USP15: variants seen among roughly 807,000 people sequenced by gnomAD.
USP15 encodes the protein ubiquitin carboxyl-terminal hydrolase 15.
USP15 carries 18 observed loss-of-function variants against 127.1 expected under a neutral mutation model. The ratio of observed to expected loss-of-function variants is 0.14; its 90% confidence interval spans 0.10 to 0.21. The LOEUF is 0.21. Among genes scored for constraint, USP15 ranks in the 10% least tolerant of loss-of-function variants. The probability of loss-of-function intolerance (pLI) is 1.00; values close to 1 mark genes in which losing one functional copy is unlikely to be tolerated. For synonymous variants in USP15, 364 were observed against 393.7 expected (o/e 0.92, Z 0.89); for missense variants, 805 against 1,159.9 (o/e 0.69, Z 4.44).
At chr12:62,292,078 G>A (rs1209051804) in intron 1 of USP15, among the ~76,000 whole-genome samples, 1 of 151,810 alleles carries the variant, frequency 6.6e-6, no homozygotes, top group African/African-American at 2.4e-5. Flanking sequence ...GACAAGGGTG[G>A]CAGGGGAGAG....
At chr12:62,395,742 A>G (rs972806345) in intron 19 of USP15, among the ~76,000 whole-genome samples, 1 of 151,786 alleles carries the variant, frequency 6.6e-6, no homozygotes, top group African/African-American at 2.4e-5. Context: ...AAATGAGAAC[A>G]TGGGATGTTT....
At chr12:62,335,469 C>T (rs750671234) in intron 6 of USP15, 8 of 1,302,330 alleles carry the variant, frequency 6.1e-6, no homozygotes, top group African/African-American at 1.5e-5. Flanking sequence ...TATTTAAGGA[C>T]AGTCCCTCTA....
chr12:62,361,637 T>G (rs1462537000), intron 8 of USP15, among the ~76,000 whole-genome samples: 2 of 151,994 alleles, frequency 1.3e-5, no homozygotes, highest in Non-Finnish European at 2.9e-5. Flanking sequence ...GGATTTTTTT[T>G]GTAATTAAAA....
chr12:62,413,240 G>A lies in USP15; in HGVS notation c.*8865G>A, dbSNP rs1415687269. The A allele has an allele frequency of 6.6e-6, 1 of 152,030 alleles. No individual in the cohort carries two copies. The highest frequency in any genetic ancestry group is 2.4e-5 in the African/African-American group (1 of 41,372). 9.4% of individuals were successfully genotyped at this position (152,030 alleles called of 1,614,324 possible). The stretch of plus-strand genomic sequence containing the variant: ...GGATGTGCTACCATCCAGGCTTTAT[G>A]GTTCCTTTTATAGAGCAAAAACATT... On this transcript the variant is annotated 3_prime_UTR_variant, in exon 22 of 22. Transcript: ENST00000280377.
intron 19 of USP15, among the ~76,000 whole-genome samples, chr12:62,395,209 C>T (rs941627450): frequency 2.6e-5 from 4 of 152,026 alleles, no homozygotes; most frequent in African/African-American, 9.7e-5. Flanking sequence ...CTGACCCTGC[C>T]CATAAATTAC....
chr12:62,265,400 G>A (rs1409503797), intron 1 of USP15, among the ~76,000 whole-genome samples: 1 of 152,060 alleles, frequency 6.6e-6, no homozygotes, highest in African/African-American at 2.4e-5. Flanking sequence ...ACAATTCTGG[G>A]AATCGGTGTT....
chr12:62,311,753 A>G (rs966376196), intron 3 of USP15, among the ~76,000 whole-genome samples: 1 of 151,780 alleles, frequency 6.6e-6, no homozygotes, highest in Non-Finnish European at 1.5e-5. Context: ...AATTACAAGA[A>G]TAGGAAAGAT....
At chr12:62,335,314 G>A in intron 6 of USP15, 1 of 1,465,260 alleles carries the variant, frequency 6.8e-7, no homozygotes. Context: ...AGCTAGATTG[G>A]ACCATGTGTA....
intron 9 of USP15, among the ~76,000 whole-genome samples, chr12:62,383,307 T>C (rs1339735619): frequency 6.6e-6 from 1 of 151,954 alleles, no homozygotes; most frequent in Non-Finnish European, 1.5e-5. Flanking sequence ...TTTGCATGTG[T>C]TTCTGTTTAA....
chr12:62,315,255 T>G (rs541152076), intron 4 of USP15, among the ~76,000 whole-genome samples: 38 of 152,100 alleles, frequency 2.5e-4, no homozygotes, highest in Admixed American at 1.5e-3. Flanking sequence ...TGACAATTGG[T>G]TATTTCCTTT....
chr12:62,389,768 A>T (rs1192894633), intron 13 of USP15, 29 bp from the exon 14 acceptor site: 1 of 1,600,592 alleles, frequency 6.2e-7, no homozygotes, highest in Non-Finnish European at 8.5e-7. Flanking sequence ...TAAAATTTTG[A>T]GAGTTTATGG....
At chr12:62,361,565 A>C (rs1438869897) in intron 8 of USP15, among the ~76,000 whole-genome samples, 1 of 152,014 alleles carries the variant, frequency 6.6e-6, no homozygotes, top group African/African-American at 2.4e-5. Flanking sequence ...TACATCTTAT[A>C]ACAGAAGTTA....
intron 3 of USP15, 94 bp from the exon 4 acceptor site, chr12:62,314,696 T>C: frequency 8.5e-7 from 1 of 1,172,342 alleles, no homozygotes. Flanking sequence ...TCACTGGAGA[T>C]CTGCAGTTTT....
chr12:62,369,987 G>T (rs547073180), intron 8 of USP15, among the ~76,000 whole-genome samples: 4 of 152,086 alleles, frequency 2.6e-5, no homozygotes, highest in East Asian at 1.9e-4. Flanking sequence ...TTTTTGTTTG[G>T]TTTTTTGAGA....
At chr12:62,340,142 G>A (rs918100850) in intron 6 of USP15, among the ~76,000 whole-genome samples, 14 of 152,084 alleles carry the variant, frequency 9.2e-5, no homozygotes, top group Admixed American at 2.0e-4. Flanking sequence ...GAATTTATCC[G>A]TTTCTTCTAG....
chr12:62,394,439 A>G (rs961746446), intron 19 of USP15, among the ~76,000 whole-genome samples: 28 of 152,372 alleles, frequency 1.8e-4, no homozygotes, highest in African/African-American at 6.7e-4. Flanking sequence ...TGGTGGCTAT[A>G]AATTTAAAAT....
At position 62,281,706 on chromosome 12, in the gene USP15, A is replaced by T. The variant is rs2063654689; in HGVS notation, c.90-12473A>T. Among the ~76,000 whole-genome samples the T allele has an allele frequency of 2.0e-5, 3 of 151,368 alleles. No individual in the cohort carries two copies. The South Asian group carries it at 6.3e-4, about 32-fold the overall frequency. Reference sequence around the variant, plus strand: ...AAAATTGTGTAGATAGCCCTAAGAGAAATATGGTGCCCTTTTTCAATTGAA... The same window carrying T: ...AAAATTGTGTAGATAGCCCTAAGAGTAATATGGTGCCCTTTTTCAATTGAA... On this transcript the variant is annotated intron_variant, in intron 1 of 21. Coordinates refer to ENST00000280377, the MANE Select transcript of USP15 (RefSeq NM_001252078.2).
chr12:62,266,476 T>G (rs2063195170), intron 1 of USP15, among the ~76,000 whole-genome samples: 1 of 152,190 alleles, frequency 6.6e-6, no homozygotes, highest in African/African-American at 2.4e-5. Context: ...AACATTTAAA[T>G]TAAGATAGTG....
chr12:62,398,575 G>A (rs1470070554), intron 20 of USP15, among the ~76,000 whole-genome samples: 1 of 152,078 alleles, frequency 6.6e-6, no homozygotes, highest in Non-Finnish European at 1.5e-5. Flanking sequence ...TTAATCATAT[G>A]CTTAGTTTTC....
Sources: allele counts gnomAD v4.1 joint callset (sites outside exome capture counted in the v4.1 genomes callset), GRCh38; gene constraint gnomAD v4.1.1; transcripts MANE v1.5; gene names NCBI Gene and HGNC (gene_info 2026-07-23, HGNC 2026-07-21).